Variants in AKNAD1 observed in about 807,000 individuals in gnomAD.
The protein encoded by AKNAD1 is protein AKNAD1.
In AKNAD1, 67 loss-of-function variants were observed where a neutral mutation model predicts 90.8. The observed-to-expected ratio is 0.74, with a 90% CI of 0.61 to 0.90. AKNAD1 has a LOEUF of 0.90. Ranked by LOEUF, AKNAD1 falls within the 40% of genes least tolerant of loss-of-function variation. The pLI, the probability that AKNAD1 is intolerant of heterozygous loss-of-function variation, is 0.00. For missense variants in AKNAD1, 957 were observed against 975.4 expected (o/e 0.98, Z 0.25); for synonymous variants, 327 against 341.4 (o/e 0.96, Z 0.46).
In AKNAD1 at chr1:108,855,240, C is replaced by T. The variant is rs1464035411; in HGVS notation, c.-104+1689G>A. Among the ~76,000 whole-genome samples the T allele has an allele frequency of 4.0e-5, 6 of 151,582 alleles. No homozygotes were observed. In the East Asian group the frequency reaches 7.8e-4, roughly 20 times the overall value. ...CATCCTGGCCAACATGGTGAAACCCCGTCTCTACTAAAAATACAAAAAATT... is the reference window on the plus strand; with the variant it reads ...CATCCTGGCCAACATGGTGAAACCCTGTCTCTACTAAAAATACAAAAAATT... On this transcript the variant is annotated intron_variant, in intron 1 of 15. Coordinates refer to ENST00000370001, the MANE Select transcript of AKNAD1 (RefSeq NM_152763.5).
chr1:108,853,136 C>CTTCTTTT (rs1664920439), intron 1 of AKNAD1, among the ~76,000 whole-genome samples: 1 of 133,548 alleles, frequency 7.5e-6, no homozygotes, highest in Admixed American at 7.5e-5. Flanking sequence ...TTTCTTTTTT[C>CTTCTTTT]TTTTTTTTTT....
intron 11 of AKNAD1, among the ~76,000 whole-genome samples, chr1:108,825,400 C>G (rs912410126): frequency 5.9e-5 from 9 of 151,706 alleles, no homozygotes; most frequent in African/African-American, 2.2e-4. Context: ...GCCTCTAGTT[C>G]CTTATCTATA....
intron 14 of AKNAD1, among the ~76,000 whole-genome samples, chr1:108,817,748 G>C (rs1026593639): frequency 2.7e-5 from 4 of 150,622 alleles, no homozygotes; most frequent in Admixed American, 6.6e-5. Context: ...CTCGTGATCC[G>C]CCCGCCTCGG....
Position 108,843,133 on chromosome 1 carries a change from C to T in AKNAD1, c.1379+1G>A, listed in dbSNP as rs775379347. 2 of 1,613,926 alleles carry T rather than the reference C, an allele frequency of 1.2e-6. No homozygotes were observed. Among genetic ancestry groups the T allele is most frequent in the Non-Finnish European group, 1.7e-6 (2 of 1,179,936 alleles). Reference sequence around the variant, plus strand: ...CCTTACACAGTTGGTTTAAATCTGACCTTTCTGGATCAAAGTCACCAACGA... The same window carrying T: ...CCTTACACAGTTGGTTTAAATCTGATCTTTCTGGATCAAAGTCACCAACGA... On this transcript the variant is annotated splice_donor_variant, in intron 6 of 15. Transcript: ENST00000370001. LOFTEE classifies it high-confidence loss of function.
At chr1:108,848,708 A>G (rs1664772179) in intron 5 of AKNAD1, 44 bp downstream of exon 5, 3 of 1,521,192 alleles carry the variant, frequency 2.0e-6, no homozygotes, top group Non-Finnish European at 2.7e-6. Flanking sequence ...TATCCAAGCC[A>G]TATTCTCTAA....
chr1:108,845,661 T>C (rs897132411), intron 5 of AKNAD1, among the ~76,000 whole-genome samples: 4 of 152,200 alleles, frequency 2.6e-5, no homozygotes, highest in Admixed American at 1.3e-4. Context: ...ACTGTAAATC[T>C]CACAGACAAT....
chr1:108,828,667 G>C (rs979277417), intron 10 of AKNAD1, among the ~76,000 whole-genome samples: 2 of 151,674 alleles, frequency 1.3e-5, no homozygotes, highest in African/African-American at 4.8e-5. Context: ...GAGAAGCCAG[G>C]CTCTTTCCCT....
In AKNAD1 at chr1:108,851,902, G is replaced by A. The variant is rs9440631; in HGVS notation, c.763C>T (p.His255Tyr). The A allele has an allele frequency of 4.2e-3, 6,706 of 1,614,142 alleles. 222 individuals carry two copies. The African/African-American group carries it at 0.07, about 17-fold the overall frequency. Residue 255 changes from histidine (H) to tyrosine (Y), a missense_variant, in exon 2 of 16, where the codon CAT becomes TAT. Coordinates refer to ENST00000370001, the MANE Select transcript of AKNAD1 (RefSeq NM_152763.5). The part of the protein sequence containing the change: ...NTFKYGQGQV[H>Y]YQLPDFSKIA... The stretch of plus-strand genomic sequence containing the variant: ...TTAGAGAAATCAGGGAGCTGGTAAT[G>A]AACTTGACCTTGGCCGTATTTGAAC...
intron 9 of AKNAD1, 129 bp downstream of exon 9, chr1:108,834,318 A>G: frequency 1.4e-6 from 1 of 736,698 alleles, no homozygotes; most frequent in Non-Finnish European, 2.2e-6. Context: ...ACTGACACCC[A>G]GGATGCCATT....
chr1:108,834,649 G>T (rs935614898), intron 8 of AKNAD1, 121 bp from the exon 9 acceptor site: 3 of 1,047,934 alleles, frequency 2.9e-6, no homozygotes, highest in African/African-American at 3.2e-5. Flanking sequence ...GCAACCTAAG[G>T]CAGAGAGTGC....
At chr1:108,826,661 G>C (rs1345254297) in intron 11 of AKNAD1, among the ~76,000 whole-genome samples, 1 of 151,176 alleles carries the variant, frequency 6.6e-6, no homozygotes, top group African/African-American at 2.4e-5. Context: ...TTCATTTTCA[G>C]CTAGAAACAG....
At chr1:108,817,369 A>G in intron 14 of AKNAD1, 192 bp from the exon 15 acceptor site, 6 of 537,556 alleles carry the variant, frequency 1.1e-5, no homozygotes, top group Non-Finnish European at 1.2e-5. Flanking sequence ...GGTTGTTGCC[A>G]TGACCATGCG....
chr1:108,851,445 C>T (rs976288073), intron 2 of AKNAD1, among the ~76,000 whole-genome samples: 3 of 152,054 alleles, frequency 2.0e-5, no homozygotes, highest in Admixed American at 6.5e-5. Context: ...TTCCGGCTTG[C>T]GGAATTTGGA....
intron 5 of AKNAD1, among the ~76,000 whole-genome samples, chr1:108,847,584 C>T (rs1192412681): frequency 1.3e-5 from 2 of 152,076 alleles, no homozygotes; most frequent in African/African-American, 4.8e-5. Flanking sequence ...CACGTGCTCC[C>T]AAGTGCTGTA....
chr1:108,852,781 G>T lies in AKNAD1; in HGVS notation c.-103-14C>A. 1.1e-6 allele frequency: 1 copy of T among 881,284 alleles called. No individual in the cohort carries two copies. Among genetic ancestry groups the T allele is most frequent in the Non-Finnish European group, 1.7e-6 (1 of 605,036 alleles). 54.6% of individuals were successfully genotyped at this position (881,284 alleles called of 1,614,324 possible). ...CTGTGTGCTATTCTGTGTGAAATGA[G>T]AACAGCCTCATTGTTAAATATATTG... On this transcript the variant is annotated splice_polypyrimidine_tract_variant and intron_variant, in intron 1 of 15. Transcript: ENST00000370001.
In AKNAD1 at chr1:108,816,119, C is replaced by G; in HGVS notation, c.*52G>C. 2 of 1,494,168 alleles carry G rather than the reference C, an allele frequency of 1.3e-6. No homozygotes were observed. The highest frequency in any genetic ancestry group is 2.8e-5 in the South Asian group (2 of 70,294). 92.6% of individuals were successfully genotyped at this position (1,494,168 alleles called of 1,614,324 possible). A position where few individuals can be genotyped will look rare whatever the true frequency, so the allele number is the denominator to read the frequency against. On this transcript the variant is annotated 3_prime_UTR_variant, in exon 16 of 16. Transcript: ENST00000370001. ...AGTAAAATACATTTTGGGGGAAGAT[C>G]AAGTTTTCTTTGCATTTTTTTCTTT...
At chr1:108,820,278 T>C (rs1483321750) in intron 14 of AKNAD1, among the ~76,000 whole-genome samples, 1 of 152,230 alleles carries the variant, frequency 6.6e-6, no homozygotes, top group Admixed American at 6.5e-5. Flanking sequence ...ACAAAGACTA[T>C]GCGGCTTCTC....
chr1:108,839,417 G>A (rs1419437675), intron 6 of AKNAD1, among the ~76,000 whole-genome samples: 1 of 141,592 alleles, frequency 7.1e-6, no homozygotes, highest in Non-Finnish European at 1.5e-5. Flanking sequence ...AGCTTGCAGC[G>A]AGCCAAGATC....
intron 2 of AKNAD1, among the ~76,000 whole-genome samples, 193 bp from the exon 3 acceptor site, chr1:108,849,769 T>C (rs1430599099): frequency 1.3e-5 from 2 of 152,190 alleles, no homozygotes; most frequent in Admixed American, 6.5e-5. Flanking sequence ...TCTCATCACT[T>C]ATAAGCCTGC....
Sources: allele counts gnomAD v4.1 joint callset (sites outside exome capture counted in the v4.1 genomes callset), GRCh38; gene constraint gnomAD v4.1.1; transcripts MANE v1.5; gene names NCBI Gene and HGNC (gene_info 2026-07-23, HGNC 2026-07-21).